DLGAP2: variants seen among roughly 807,000 people sequenced by gnomAD.
DLGAP2 encodes DLG associated protein 2.
Under a neutral mutation model 100.3 loss-of-function variants are expected in DLGAP2, and 26 were observed. That is an observed-to-expected ratio of 0.26 (90% CI 0.19 to 0.36). DLGAP2 has a LOEUF of 0.36. Ranked by LOEUF, DLGAP2 falls within the 10% of genes least tolerant of loss-of-function variation. DLGAP2 has a pLI of 1.00. For missense variants in DLGAP2, 1,858 were observed against 1,453.2 expected (o/e 1.28, Z -4.53); for synonymous variants, 886 against 630.1 (o/e 1.41, Z -6.08).
chr8:984,299 G>C (rs780546519), intron 2 of DLGAP2, among the ~76,000 whole-genome samples: 3 of 152,112 alleles, frequency 2.0e-5, no homozygotes, highest in Non-Finnish European at 2.9e-5. Context: ...TCTCTCTCAA[G>C]GATAATATTC....
chr8:1,659,839 T>A (rs1798369142), intron 8 of DLGAP2, among the ~76,000 whole-genome samples: 1 of 152,220 alleles, frequency 6.6e-6, no homozygotes, highest in African/African-American at 2.4e-5. Flanking sequence ...TTAGCCTGTT[T>A]ACATTTAAAG....
At chr8:1,365,470 TGAA>T (rs1178949726) in intron 3 of DLGAP2, among the ~76,000 whole-genome samples, 2 of 152,112 alleles carry the variant, frequency 1.3e-5, no homozygotes, top group Non-Finnish European at 1.5e-5. Flanking sequence ...TCACTCCTAA[TGAA>T]GAAGAAACTG....
intron 4 of DLGAP2, among the ~76,000 whole-genome samples, chr8:1,537,225 G>A (rs1022339399): frequency 6.6e-6 from 1 of 152,142 alleles, no homozygotes; most frequent in Non-Finnish European, 1.5e-5. Flanking sequence ...AAAAGCATGT[G>A]CATCTGTGTG....
chr8:1,276,269 G>T lies in DLGAP2; in HGVS notation c.106+17386G>T, dbSNP rs976425862. Among the ~76,000 whole-genome samples the T allele has an allele frequency of 1.3e-5, 2 of 151,368 alleles. 1 individual carries two copies. The highest frequency in any genetic ancestry group is 2.9e-5 in the Non-Finnish European group (2 of 67,944). On this transcript the variant is annotated intron_variant, in intron 3 of 14. Transcript: ENST00000637795. ...CTTTCATAACAACCTAAAAAATCAT[G>T]ATAGCTGCTTTTTTACCCAAACACT...
At chr8:946,284 T>TG (rs1353101035) in intron 2 of DLGAP2, among the ~76,000 whole-genome samples, 1 of 151,738 alleles carries the variant, frequency 6.6e-6, no homozygotes, top group African/African-American at 2.4e-5. Flanking sequence ...TTTTTTTTTT[T>TG]TGACAGTCTC....
intron 1 of DLGAP2, among the ~76,000 whole-genome samples, chr8:800,657 C>T (rs187461882): frequency 4.3e-4 from 66 of 152,002 alleles, no homozygotes; most frequent in African/African-American, 9.2e-4. Flanking sequence ...TGTGCACATG[C>T]GTGTGCATGT....
intron 2 of DLGAP2, among the ~76,000 whole-genome samples, chr8:1,214,826 CT>C (rs1798180407): frequency 6.6e-6 from 1 of 152,244 alleles, no homozygotes; most frequent in African/African-American, 2.4e-5. Context: ...ACATAACATT[CT>C]TTAATGAATT....
At chr8:1,083,015 T>C (rs1803861469) in intron 2 of DLGAP2, among the ~76,000 whole-genome samples, 1 of 152,234 alleles carries the variant, frequency 6.6e-6, no homozygotes, top group Non-Finnish European at 1.5e-5. Flanking sequence ...AAGATATATA[T>C]GGACCACAGT....
At chr8:1,114,285 C>T (rs1805050208) in intron 2 of DLGAP2, among the ~76,000 whole-genome samples, 1 of 152,018 alleles carries the variant, frequency 6.6e-6, no homozygotes, top group Non-Finnish European at 1.5e-5. Flanking sequence ...ACCAGCTCTG[C>T]TTTATACATC....
chr8:1,416,229 A>T (rs1796878965), intron 3 of DLGAP2, among the ~76,000 whole-genome samples: 1 of 152,106 alleles, frequency 6.6e-6, no homozygotes, highest in Admixed American at 6.5e-5. Context: ...CGACCAGATG[A>T]TTCCAGCGTC....
chr8:1,392,882 C>CT (rs1281150291), intron 3 of DLGAP2, among the ~76,000 whole-genome samples: 21 of 141,262 alleles, frequency 1.5e-4, no homozygotes, highest in African/African-American at 4.6e-4. Context: ...TTAAATGTGA[C>CT]GTTTCTGTTT....
At chr8:894,281 C>T (rs936340282) in intron 1 of DLGAP2, among the ~76,000 whole-genome samples, 7 of 152,160 alleles carry the variant, frequency 4.6e-5, no homozygotes, top group Admixed American at 6.5e-5. Flanking sequence ...CACTCCAGCA[C>T]GGTCGAGACA....
chr8:795,842 G>A (rs62485636), intron 1 of DLGAP2, among the ~76,000 whole-genome samples: 5,540 of 9,052 alleles, frequency 0.61, 2,403 homozygotes, highest in East Asian at 0.82. Flanking sequence ...GCAGCTGTCC[G>A]GTGAGAGCAG....
chr8:1,479,731 C>G (rs1211015595), intron 3 of DLGAP2, among the ~76,000 whole-genome samples: 1 of 152,158 alleles, frequency 6.6e-6, no homozygotes, highest in South Asian at 2.1e-4. Context: ...TCAAGGTAGT[C>G]TTTTCCTTGT....
intron 2 of DLGAP2, among the ~76,000 whole-genome samples, chr8:1,223,436 C>G (rs1179264700): frequency 1.3e-5 from 2 of 152,102 alleles, no homozygotes. Flanking sequence ...AGAAGAAGTA[C>G]TTTGAAACAA....
intron 5 of DLGAP2, among the ~76,000 whole-genome samples, chr8:1,554,762 G>A (rs1348485463): frequency 3.3e-5 from 5 of 151,954 alleles, no homozygotes; most frequent in Admixed American, 1.3e-4. Context: ...AAGGACCCAC[G>A]CGCCCCAGCC....
chr8:1,001,933 G>A (rs1396169178), intron 2 of DLGAP2, among the ~76,000 whole-genome samples: 1 of 152,180 alleles, frequency 6.6e-6, no homozygotes, highest in East Asian at 1.9e-4. Flanking sequence ...GCGTGTTTGA[G>A]CTTAAAAATG....
chr8:830,048 G>T (rs914922563), intron 1 of DLGAP2, among the ~76,000 whole-genome samples: 1 of 152,182 alleles, frequency 6.6e-6, no homozygotes, highest in African/African-American at 2.4e-5. Flanking sequence ...AAGATGTGGA[G>T]ATTTTTAAAG....
At chr8:934,339 C>A (rs1302414275) in intron 2 of DLGAP2, among the ~76,000 whole-genome samples, 1 of 147,582 alleles carries the variant, frequency 6.8e-6, no homozygotes, top group Non-Finnish European at 1.5e-5. Flanking sequence ...TGTGGAGACA[C>A]CTGGCCGTGG....
Sources: gnomAD v4.1 joint callset for allele counts (sites outside exome capture counted in the v4.1 genomes callset) on GRCh38, gnomAD v4.1.1 for gene constraint, MANE v1.5 for transcripts, NCBI Gene and HGNC (gene_info 2026-07-23, HGNC 2026-07-21) for gene names.